Variants in PRKN observed in about 807,000 individuals in gnomAD.
The protein encoded by PRKN is parkin RBR E3 ubiquitin protein ligase.
A neutral mutation model predicts 59.5 loss-of-function variants in PRKN; 56 were observed. The observed-to-expected ratio is 0.94, with a 90% CI of 0.76 to 1.18. The LOEUF is 1.18. Ranked by LOEUF, PRKN falls within the 50% of genes most tolerant of loss-of-function variation. The pLI is 0.00. For missense variants in PRKN, 657 were observed against 596.4 expected, an observed-to-expected ratio of 1.10 and a Z score of -1.06; for synonymous variants, 250 against 222.1, an observed-to-expected ratio of 1.13 and a Z score of -1.12.
chr6:162,572,705 C>T (rs1005540444), intron 1 of PRKN, among the ~76,000 whole-genome samples: 1 of 152,160 alleles, frequency 6.6e-6, no homozygotes, highest in Non-Finnish European at 1.5e-5. Flanking sequence ...TTAAAGGAAT[C>T]TCACTAGCTC....
intron 7 of PRKN, among the ~76,000 whole-genome samples, chr6:161,613,185 A>G (rs912818959): frequency 1.3e-5 from 2 of 152,142 alleles, no homozygotes; most frequent in Non-Finnish European, 2.9e-5. Context: ...GGAGGAAGTC[A>G]ATTTCATCCC....
chr6:161,692,960 AAAAAAG>A (rs1156518876), intron 7 of PRKN, among the ~76,000 whole-genome samples: 2 of 119,972 alleles, frequency 1.7e-5, no homozygotes, highest in Non-Finnish European at 3.8e-5. Context: ...AAAAAAAAAA[AAAAAAG>A]AAAAAAGTGG....
At chr6:162,122,575 A>G (rs985592125) in intron 4 of PRKN, among the ~76,000 whole-genome samples, 2 of 152,146 alleles carry the variant, frequency 1.3e-5, no homozygotes, top group Non-Finnish European at 2.9e-5. Context: ...AAGTATGGCA[A>G]TGGGATCATG....
chr6:161,984,498 T>C (rs1334117926), intron 5 of PRKN, among the ~76,000 whole-genome samples: 2 of 152,162 alleles, frequency 1.3e-5, no homozygotes, highest in Non-Finnish European at 2.9e-5. Flanking sequence ...CCTCAGGTGA[T>C]CCACCTGCCT....
intron 6 of PRKN, among the ~76,000 whole-genome samples, chr6:161,820,483 ATATT>A (rs1791975532): frequency 1.3e-5 from 2 of 148,342 alleles, no homozygotes; most frequent in African/African-American, 4.9e-5. Context: ...ATGTTTATAA[ATATT>A]TATATAATAT....
chr6:162,078,736 G>A (rs9365368), intron 4 of PRKN, among the ~76,000 whole-genome samples: 122,883 of 151,700 alleles, frequency 0.81, 49,956 homozygotes, highest in Admixed American at 0.88. Flanking sequence ...GGGAATAAAT[G>A]CGTGTGCCAC....
intron 9 of PRKN, among the ~76,000 whole-genome samples, chr6:161,433,380 A>AC (rs1273957433): frequency 6.8e-6 from 1 of 146,320 alleles, no homozygotes; most frequent in East Asian, 2.0e-4. Flanking sequence ...TGTTTGGATT[A>AC]ACTGTTTACT....
intron 1 of PRKN, among the ~76,000 whole-genome samples, chr6:162,704,721 G>A (rs973897634): frequency 3.9e-5 from 6 of 152,128 alleles, no homozygotes; most frequent in African/African-American, 1.4e-4. Flanking sequence ...AATTAGGGAT[G>A]ATGAAAACTA....
chr6:162,234,458 T>C (rs1053906231), intron 3 of PRKN, among the ~76,000 whole-genome samples: 3 of 152,080 alleles, frequency 2.0e-5, no homozygotes, highest in Admixed American at 1.3e-4. Flanking sequence ...TAATATAGAG[T>C]TGTCCCTGAG....
chr6:162,222,792 A>G (rs1373140552), intron 3 of PRKN, among the ~76,000 whole-genome samples: 1 of 152,146 alleles, frequency 6.6e-6, no homozygotes, highest in African/African-American at 2.4e-5. Flanking sequence ...ACAGCAAAAA[A>G]TGACTAATAC....
intron 1 of PRKN, among the ~76,000 whole-genome samples, chr6:162,622,384 A>G (rs927155071): frequency 6.6e-6 from 1 of 151,486 alleles, no homozygotes. Flanking sequence ...GGGTTTTGCA[A>G]TGTTGGCCAG....
At chr6:161,998,459 ATATT>A (rs2128261585) in intron 5 of PRKN, among the ~76,000 whole-genome samples, 1 of 152,262 alleles carries the variant, frequency 6.6e-6, no homozygotes, top group East Asian at 1.9e-4. Context: ...ATGTAAATAA[ATATT>A]TATTTGTTTT....
intron 6 of PRKN, among the ~76,000 whole-genome samples, chr6:161,885,264 A>C (rs1795091104): frequency 6.6e-6 from 1 of 152,140 alleles, no homozygotes; most frequent in Non-Finnish European, 1.5e-5. Context: ...CTGAGTGAAC[A>C]TCAGCGTATG....
In PRKN at chr6:161,584,857, A is replaced by G. The variant is rs1781466666; in HGVS notation, c.872-15441T>C. 1.3e-5 allele frequency among the ~76,000 whole-genome samples: 2 copies of G among 152,214 alleles called. No individual in the cohort carries two copies. The highest frequency in any genetic ancestry group is 2.4e-5 in the African/African-American group (1 of 41,462). ...TTCAGCATGTCAAAATTATACTATC[A>G]CACCATGGAAACAAATTAAACAGCA... is the stretch of plus-strand genomic sequence containing the variant. On this transcript the variant is annotated intron_variant, in intron 7 of 11. Transcript: ENST00000366898. This position sits in a 1 kb window ranked among gnomAD's most constrained non-coding sequence, Gnocchi z 4.8.
intron 3 of PRKN, among the ~76,000 whole-genome samples, chr6:162,252,513 G>A (rs1392610893): frequency 1.3e-5 from 2 of 152,192 alleles, no homozygotes; most frequent in Admixed American, 6.6e-5. Context: ...AATCACCAAT[G>A]TGATGGCATT....
At chr6:161,767,495 C>A (rs1241254840) in intron 7 of PRKN, among the ~76,000 whole-genome samples, 1 of 142,394 alleles carries the variant, frequency 7.0e-6, no homozygotes, top group Non-Finnish European at 1.5e-5. Flanking sequence ...CCCGCCTGGG[C>A]GACAGAGCAA....
chr6:162,700,345 G>T (rs2128236634), intron 1 of PRKN, among the ~76,000 whole-genome samples: 1 of 152,314 alleles, frequency 6.6e-6, no homozygotes, highest in African/African-American at 2.4e-5. Flanking sequence ...GAAGAAAAGA[G>T]ATGAGGAGCT....
At chr6:162,382,134 C>A (rs1241555654) in intron 2 of PRKN, among the ~76,000 whole-genome samples, 1 of 152,162 alleles carries the variant, frequency 6.6e-6, no homozygotes, top group African/African-American at 2.4e-5. Context: ...TTCTCCCCCA[C>A]TCAGAGTCAT....
chr6:161,464,799 C>T (rs1790378109), intron 9 of PRKN, among the ~76,000 whole-genome samples: 1 of 152,190 alleles, frequency 6.6e-6, no homozygotes, highest in African/African-American at 2.4e-5. Flanking sequence ...TCTTATGAAT[C>T]CCCAGTGAAA....
Sources: allele counts gnomAD v4.1 joint callset (sites outside exome capture counted in the v4.1 genomes callset), GRCh38; gene constraint gnomAD v4.1.1; non-coding constraint Gnocchi (gnomAD v3.1); transcripts MANE v1.5; gene names NCBI Gene and HGNC (gene_info 2026-07-23, HGNC 2026-07-21).